The following KCNH7 variants were observed in gnomAD, a reference collection of about 807,000 sequenced individuals.
KCNH7 encodes voltage-gated inwardly rectifying potassium channel KCNH7.
A neutral mutation model predicts 120.8 loss-of-function variants in KCNH7; 49 were observed. The observed-to-expected ratio is 0.41, with a 90% CI of 0.32 to 0.51. KCNH7 has a LOEUF of 0.51. Ranked by LOEUF, KCNH7 falls within the 20% of genes least tolerant of loss-of-function variation. The pLI is 0.38. For synonymous variants in KCNH7, 547 were observed against 516.1 expected, an observed-to-expected ratio of 1.06 and a Z score of -0.81; for missense variants, 1,097 against 1,446.6, an observed-to-expected ratio of 0.76 and a Z score of 3.92.
At chr2:162,808,123 T>C (rs879533215) in intron 2 of KCNH7, among the ~76,000 whole-genome samples, 3 of 152,250 alleles carry the variant, frequency 2.0e-5, no homozygotes, top group Non-Finnish European at 4.4e-5. Flanking sequence ...GCATATAACC[T>C]ACACACATCT....
intron 6 of KCNH7, among the ~76,000 whole-genome samples, chr2:162,454,333 A>G (rs890305746): frequency 1.3e-5 from 2 of 152,110 alleles, no homozygotes; most frequent in Non-Finnish European, 2.9e-5. Flanking sequence ...TACAAGTACC[A>G]TGTTGTTTTG....
intron 2 of KCNH7, among the ~76,000 whole-genome samples, chr2:162,752,912 A>G (rs1688617947): frequency 2.1e-5 from 1 of 46,628 alleles, no homozygotes; most frequent in African/African-American, 1.2e-4. Context: ...GAAAAAGAAA[A>G]GAAAAGAAAA....
chr2:162,499,746 C>T (rs956543955), intron 6 of KCNH7, among the ~76,000 whole-genome samples: 4 of 152,110 alleles, frequency 2.6e-5, no homozygotes, highest in African/African-American at 7.2e-5. Flanking sequence ...TAAGATGCTA[C>T]TATGTGTCAT....
At chr2:162,815,914 A>T (rs181283141) in intron 2 of KCNH7, among the ~76,000 whole-genome samples, 45 of 152,328 alleles carry the variant, frequency 3.0e-4, no homozygotes, top group African/African-American at 1.0e-3. Flanking sequence ...TGGATTACAT[A>T]ATTAGATTTC....
At chr2:162,443,454 T>C (rs1688487709) in intron 7 of KCNH7, among the ~76,000 whole-genome samples, 1 of 152,170 alleles carries the variant, frequency 6.6e-6, no homozygotes, top group African/African-American at 2.4e-5. Flanking sequence ...CCTCCTGCCC[T>C]TCACCAAAGA....
At chr2:162,635,494 T>C (rs1683923460) in intron 2 of KCNH7, among the ~76,000 whole-genome samples, 2 of 152,180 alleles carry the variant, frequency 1.3e-5, no homozygotes, top group African/African-American at 2.4e-5. Context: ...CAAGAATCTA[T>C]GTGTTTAGTC....
chr2:162,673,739 C>G (rs1685439487), intron 2 of KCNH7, among the ~76,000 whole-genome samples: 1 of 151,830 alleles, frequency 6.6e-6, no homozygotes, highest in African/African-American at 2.4e-5. Context: ...TGTTGGAAGC[C>G]ACCAAGACAT....
At chr2:162,480,830 T>C (rs943773860) in intron 6 of KCNH7, among the ~76,000 whole-genome samples, 2 of 152,054 alleles carry the variant, frequency 1.3e-5, no homozygotes, top group Non-Finnish European at 2.9e-5. Flanking sequence ...AGTTACGAAG[T>C]GAGGGGGTTA....
chr2:162,480,266 A>T (rs2105678530), intron 6 of KCNH7, among the ~76,000 whole-genome samples: 1 of 152,214 alleles, frequency 6.6e-6, no homozygotes, highest in Middle Eastern at 3.4e-3. Flanking sequence ...GTCTTCAGTA[A>T]ACACAGGAAG....
intron 2 of KCNH7, among the ~76,000 whole-genome samples, chr2:162,766,864 TACACACACACACAC>T (rs200638624): frequency 0.021 from 3,029 of 141,592 alleles, 107 homozygotes; most frequent in African/African-American, 0.073. Context: ...CTAAGCACAT[TACACACACACACAC>T]ACACACACAC....
At chr2:162,703,746 T>C (rs188381883) in intron 2 of KCNH7, among the ~76,000 whole-genome samples, 117 of 152,266 alleles carry the variant, frequency 7.7e-4, no homozygotes, top group Admixed American at 2.0e-3. Context: ...ACATTGACTT[T>C]TTCTAGACGG....
intron 2 of KCNH7, among the ~76,000 whole-genome samples, chr2:162,600,755 C>T (rs1694524691): frequency 6.6e-6 from 1 of 152,012 alleles, no homozygotes; most frequent in Non-Finnish European, 1.5e-5. Flanking sequence ...TGTCTCTAAC[C>T]CAGTTGCAAG....
At chr2:162,479,928 C>G (rs1452837208) in intron 6 of KCNH7, among the ~76,000 whole-genome samples, 1 of 152,068 alleles carries the variant, frequency 6.6e-6, no homozygotes. Context: ...TTAATTTCTA[C>G]TTCATGACAA....
At chr2:162,646,059 A>G (rs1335579938) in intron 2 of KCNH7, among the ~76,000 whole-genome samples, 2 of 152,240 alleles carry the variant, frequency 1.3e-5, no homozygotes, top group African/African-American at 4.8e-5. Flanking sequence ...AAATTATACA[A>G]GAACTAGTTT....
Position 162,838,560 on chromosome 2 carries a change from G to A in KCNH7, c.-42C>T, listed in dbSNP as rs1306557907. On this transcript the variant is annotated 5_prime_UTR_variant, in exon 1 of 16. Transcript: ENST00000332142. ...CGAGGAGCGCTCCCCCGGAGCTCTG[G>A]AGTTCTCCCGGGATCTCTCCTCGGC... 3 of 1,527,898 alleles carry A rather than the reference G, an allele frequency of 2.0e-6. No individual in the cohort carries two copies. The East Asian group carries it at 6.8e-5, about 34-fold the overall frequency. 94.6% of individuals were successfully genotyped at this position (1,527,898 alleles called of 1,614,324 possible). A position where few individuals can be genotyped will look rare whatever the true frequency, so the allele number is the denominator to read the frequency against.
chr2:162,665,663 A>G (rs1685108053), intron 2 of KCNH7, among the ~76,000 whole-genome samples: 1 of 152,146 alleles, frequency 6.6e-6, no homozygotes, highest in Non-Finnish European at 1.5e-5. Context: ...TGTATAAGCA[A>G]CTCATTCTTG....
At chr2:162,807,256 CAAAAAAAAAAAAA>C (rs745345993) in intron 2 of KCNH7, among the ~76,000 whole-genome samples, 3 of 15,628 alleles carry the variant, frequency 1.9e-4, no homozygotes, top group African/African-American at 2.8e-4. Flanking sequence ...ACTAAAAATA[CAAAAAAAAAAAAA>C]AAAAAAAAAA....
chr2:162,562,933 C>T (rs1254783757), intron 2 of KCNH7, among the ~76,000 whole-genome samples: 2 of 152,140 alleles, frequency 1.3e-5, no homozygotes, highest in Admixed American at 6.6e-5. Flanking sequence ...AATGCTTGCT[C>T]TGATGGAGAA....
At chr2:162,586,371 C>G (rs949271620) in intron 2 of KCNH7, among the ~76,000 whole-genome samples, 1 of 151,982 alleles carries the variant, frequency 6.6e-6, no homozygotes, top group Non-Finnish European at 1.5e-5. Flanking sequence ...GACAATGAAC[C>G]ACGTGGGGAG....
Sources: gnomAD v4.1 joint callset for allele counts (sites outside exome capture counted in the v4.1 genomes callset) on GRCh38, gnomAD v4.1.1 for gene constraint, MANE v1.5 for transcripts, NCBI Gene and HGNC (gene_info 2026-07-23, HGNC 2026-07-21) for gene names.